The following PRDM16 variants were observed in gnomAD, a reference collection of about 807,000 sequenced individuals.
PRDM16 encodes PR/SET domain 16, also known as histone-lysine N-methyltransferase PRDM16.
PRDM16 carries 23 observed loss-of-function variants against 110.6 expected under a neutral mutation model. That is an observed-to-expected ratio of 0.21 (90% CI 0.15 to 0.29). The LOEUF (loss-of-function observed/expected upper bound fraction) is 0.29, where lower values mean the gene tolerates loss of function less well. PRDM16 is among the 10% of genes least tolerant of loss of function. The probability of loss-of-function intolerance (pLI) is 1.00; values close to 1 mark genes in which losing one functional copy is unlikely to be tolerated. For synonymous variants in PRDM16, 799 were observed against 781.8 expected, an observed-to-expected ratio of 1.02 and a Z score of -0.37; for missense variants, 1,615 against 1,794.3, an observed-to-expected ratio of 0.90 and a Z score of 1.81.
intron 1 of PRDM16, among the ~76,000 whole-genome samples, chr1:3,145,955 C>T (rs543984743): frequency 2.6e-5 from 4 of 152,304 alleles, no homozygotes; most frequent in East Asian, 1.9e-4. Flanking sequence ...CACAGAAATT[C>T]GCAAGGTGTG....
chr1:3,275,310 A>G (rs915849818), intron 3 of PRDM16, among the ~76,000 whole-genome samples: 61 of 152,342 alleles, frequency 4.0e-4, no homozygotes, highest in African/African-American at 1.4e-3. Flanking sequence ...GAAAGGATCA[A>G]CCGGATATCG....
intron 10 of PRDM16, 138 bp downstream of exon 10, chr1:3,414,785 AGAG>A: frequency 1.5e-6 from 1 of 664,578 alleles, no homozygotes; most frequent in East Asian, 2.7e-5. Flanking sequence ...CCTCAAAGGC[AGAG>A]GAGGATTCTC....
In PRDM16 at chr1:3,437,000, G is replaced by A. The variant is rs537289761; in HGVS notation, c.*3189G>A. On this transcript the variant is annotated 3_prime_UTR_variant, in exon 17 of 17. Transcript: ENST00000270722. ...CCCCAGCGAGCCGACGTCCCCACCCGTTCCTGCTCTCATCCCCAGGTTGGG... is the reference window on the plus strand; with the variant it reads ...CCCCAGCGAGCCGACGTCCCCACCCATTCCTGCTCTCATCCCCAGGTTGGG... The A allele has an allele frequency of 6.9e-5, 16 of 233,130 alleles. 1 individual carries two copies. Among genetic ancestry groups the A allele is most frequent in the East Asian group, 1.2e-4 (2 of 16,562 alleles). 14.4% of individuals were successfully genotyped at this position (233,130 alleles called of 1,614,324 possible).
At position 3,435,498 on chromosome 1, in the gene PRDM16, A is replaced by G. The variant is rs1638882793; in HGVS notation, c.*1687A>G. 4.3e-6 allele frequency: 1 copy of G among 231,332 alleles called. No individual in the cohort carries two copies. Among genetic ancestry groups the G allele is most frequent in the Admixed American group, 5.6e-5 (1 of 17,724 alleles). 14.3% of individuals were successfully genotyped at this position (231,332 alleles called of 1,614,324 possible). A position where few individuals can be genotyped will look rare whatever the true frequency, so the allele number is the denominator to read the frequency against. ...AAATTTGCGTTTCAGTTACATTTGC[A>G]TTTAAGACAAGTGTTCTATTTATTT... On this transcript the variant is annotated 3_prime_UTR_variant, in exon 17 of 17. Transcript: ENST00000270722.
At chr1:3,321,239 C>T (rs77870106) in intron 3 of PRDM16, among the ~76,000 whole-genome samples, 12,160 of 151,780 alleles carry the variant, frequency 0.08, 1,571 homozygotes, top group African/African-American at 0.27. Flanking sequence ...TGCACACACG[C>T]GTGGGGGTAA....
intron 1 of PRDM16, among the ~76,000 whole-genome samples, chr1:3,098,261 C>T (rs1448465481): frequency 2.6e-5 from 4 of 152,184 alleles, no homozygotes; most frequent in African/African-American, 9.7e-5. Flanking sequence ...TCCCGGGCTG[C>T]ACCCTGCACC....
intron 1 of PRDM16, among the ~76,000 whole-genome samples, chr1:3,106,706 T>C (rs1642664244): frequency 6.6e-6 from 1 of 152,096 alleles, no homozygotes; most frequent in African/African-American, 2.4e-5. Flanking sequence ...GTGGAGGCAT[T>C]TGGCCAGGCC....
At chr1:3,145,869 G>A (rs571699483) in intron 1 of PRDM16, among the ~76,000 whole-genome samples, 12 of 152,218 alleles carry the variant, frequency 7.9e-5, no homozygotes, top group African/African-American at 2.2e-4. Flanking sequence ...ACTCTGTATC[G>A]CCCCAGCAGG....
intron 3 of PRDM16, chr1:3,306,982 T>C (rs1408188117): frequency 6.6e-6 from 1 of 152,264 alleles, no homozygotes; most frequent in Non-Finnish European, 1.5e-5. Flanking sequence ...GTTCCCAGGT[T>C]CGCCCACTTT....
intron 3 of PRDM16, among the ~76,000 whole-genome samples, chr1:3,355,810 C>G (rs1642584662): frequency 6.6e-6 from 1 of 152,188 alleles, no homozygotes. Flanking sequence ...TGGGGGTACA[C>G]AAGGCTGCTG....
At chr1:3,363,219 A>C (rs1401959410) in intron 3 of PRDM16, among the ~76,000 whole-genome samples, 1 of 152,170 alleles carries the variant, frequency 6.6e-6, no homozygotes, top group Non-Finnish European at 1.5e-5. Flanking sequence ...GGCCCGCGAC[A>C]GTGTGAGAAG....
chr1:3,402,999 G>T lies in PRDM16; in HGVS notation c.884+1G>T. The T allele has an allele frequency of 6.3e-7, 1 of 1,596,210 alleles. No homozygotes were observed. The highest frequency in any genetic ancestry group is 1.5e-5 in the African/African-American group (1 of 68,876). On this transcript the variant is annotated splice_donor_variant, in intron 6 of 16. Coordinates refer to ENST00000270722, the MANE Select transcript of PRDM16 (RefSeq NM_022114.4). LOFTEE classifies it high-confidence loss of function. ...AGCGGATGTTCCCCAACAAGTACAGGTGCCACGCCCTCCTCTGAGTCTTCC... is the reference window on the plus strand; with the variant it reads ...AGCGGATGTTCCCCAACAAGTACAGTTGCCACGCCCTCCTCTGAGTCTTCC...
Position 3,435,314 on chromosome 1 carries a change from ATAATGT to A in PRDM16, c.*1508_*1513del, listed in dbSNP as rs1327931585. 2 of 227,502 alleles carry A rather than the reference ATAATGT, an allele frequency of 8.8e-6. No individual in the cohort carries two copies. Among genetic ancestry groups the A allele is most frequent in the African/African-American group, 2.2e-5 (1 of 44,952 alleles). The allele number at this position is 227,502 out of a possible 1,614,324, so 14.1% of individuals were successfully genotyped here. On this transcript the variant is annotated 3_prime_UTR_variant, in exon 17 of 17. Coordinates refer to ENST00000270722, the MANE Select transcript of PRDM16 (RefSeq NM_022114.4). ...CATTAGACATTCTTATTGTGAAGAAATAATGTTAATATAAGTATCTGGTGAAGGACC... is the reference window on the plus strand; with the variant it reads ...CATTAGACATTCTTATTGTGAAGAAATAATATAAGTATCTGGTGAAGGACC...
At chr1:3,234,013 C>T (rs1639481198) in intron 2 of PRDM16, among the ~76,000 whole-genome samples, 1 of 152,064 alleles carries the variant, frequency 6.6e-6, no homozygotes, top group East Asian at 1.9e-4. Context: ...TTCCATTTGT[C>T]TTGGCTGAGC....
chr1:3,168,739 G>T (rs1015263215), intron 1 of PRDM16, among the ~76,000 whole-genome samples: 7 of 152,182 alleles, frequency 4.6e-5, no homozygotes, highest in Non-Finnish European at 1.0e-4. Flanking sequence ...AGGAGGGAGT[G>T]GGGGCCCGTG....
chr1:3,148,948 G>C lies in PRDM16; in HGVS notation c.38-37177G>C, dbSNP rs572878512. 1.2e-4 allele frequency among the ~76,000 whole-genome samples: 18 copies of C among 152,334 alleles called. No homozygotes were observed. The South Asian group carries it at 3.5e-3, about 30-fold the overall frequency. On this transcript the variant is annotated intron_variant, in intron 1 of 16. Coordinates refer to ENST00000270722, the MANE Select transcript of PRDM16 (RefSeq NM_022114.4). The surrounding 1 kb of genome is among the most constrained non-coding windows in gnomAD (Gnocchi z 5.0). ...GGAGGGGCAGTGGGGAAGGGCTGGAGCCCAGCTCTACTGGTATCAGGGGGG... is the reference window on the plus strand; with the variant it reads ...GGAGGGGCAGTGGGGAAGGGCTGGACCCCAGCTCTACTGGTATCAGGGGGG...
chr1:3,079,891 C>T (rs1455219661), intron 1 of PRDM16, among the ~76,000 whole-genome samples: 2 of 152,252 alleles, frequency 1.3e-5, no homozygotes, highest in Non-Finnish European at 2.9e-5. Flanking sequence ...TCGCACACTT[C>T]CCTGCCCTCT....
At chr1:3,256,699 A>C (rs1016765334) in intron 3 of PRDM16, among the ~76,000 whole-genome samples, 1 of 152,118 alleles carries the variant, frequency 6.6e-6, no homozygotes, top group African/African-American at 2.4e-5. Context: ...TCTACTAAAA[A>C]TACAAAAATT....
At chr1:3,112,512 G>A (rs374365003) in intron 1 of PRDM16, among the ~76,000 whole-genome samples, 2 of 152,160 alleles carry the variant, frequency 1.3e-5, no homozygotes, top group African/African-American at 4.8e-5. Flanking sequence ...TTCCCGGGCC[G>A]GCTTCGCCCC....
Sources: gnomAD v4.1 joint callset for allele counts (sites outside exome capture counted in the v4.1 genomes callset) on GRCh38, gnomAD v4.1.1 for gene constraint, Gnocchi (gnomAD v3.1) non-coding constraint, MANE v1.5 for transcripts, NCBI Gene and HGNC (gene_info 2026-07-23, HGNC 2026-07-21) for gene names.